Variants in CDH18 observed in about 807,000 individuals in gnomAD.
CDH18 encodes cadherin 18, also known as cadherin-18.
A neutral mutation model predicts 67.9 loss-of-function variants in CDH18; 31 were observed. The ratio of observed to expected loss-of-function variants is 0.46; its 90% CI spans 0.34 to 0.62. CDH18 has a LOEUF of 0.62. CDH18 is among the 20% of genes least tolerant of loss of function. CDH18 has a pLI of 0.01. For missense variants in CDH18, 890 were observed against 975.5 expected (o/e 0.91, Z 1.17); for synonymous variants, 362 against 347.2 (o/e 1.04, Z -0.48).
chr5:20,462,665 A>G (rs1188506470), intron 1 of CDH18, among the ~76,000 whole-genome samples: 1 of 152,188 alleles, frequency 6.6e-6, no homozygotes. Flanking sequence ...GTTGTTATAA[A>G]TGCATACCAT....
intron 1 of CDH18, among the ~76,000 whole-genome samples, chr5:20,310,734 C>A (rs1736904800): frequency 6.6e-6 from 1 of 152,134 alleles, no homozygotes; most frequent in Non-Finnish European, 1.5e-5. Flanking sequence ...ACATGCTGTG[C>A]CACTTACTTC....
intron 5 of CDH18, among the ~76,000 whole-genome samples, chr5:19,633,580 C>T (rs549613023): frequency 8.0e-4 from 122 of 152,080 alleles, no homozygotes; most frequent in African/African-American, 2.8e-3. Flanking sequence ...GTCTCTCCTA[C>T]TTCATGTTTA....
intron 5 of CDH18, among the ~76,000 whole-genome samples, chr5:19,695,715 T>C (rs1437764437): frequency 2.0e-5 from 3 of 152,200 alleles, no homozygotes; most frequent in Non-Finnish European, 4.4e-5. Flanking sequence ...ACTTCAACTC[T>C]AAAGATCCAA....
chr5:19,619,232 C>A, intron 5 of CDH18, among the ~76,000 whole-genome samples: 1 of 152,150 alleles, frequency 6.6e-6, no homozygotes, highest in East Asian at 1.9e-4. Flanking sequence ...TGTGTTTCTA[C>A]TCTGTATAAA....
At chr5:20,419,537 A>G (rs1037279123) in intron 1 of CDH18, among the ~76,000 whole-genome samples, 3 of 132,132 alleles carry the variant, frequency 2.3e-5, no homozygotes, top group African/African-American at 9.1e-5. Context: ...GTGCAGTGGC[A>G]AGATCTCGGC....
intron 2 of CDH18, among the ~76,000 whole-genome samples, chr5:20,153,239 T>C (rs1200003681): frequency 3.3e-5 from 5 of 152,060 alleles, no homozygotes; most frequent in Non-Finnish European, 7.3e-5. Flanking sequence ...GCCAGCCTGA[T>C]GATTCTTGTG....
At chr5:19,476,199 A>G (rs957632774) in intron 12 of CDH18, among the ~76,000 whole-genome samples, 1 of 152,050 alleles carries the variant, frequency 6.6e-6, no homozygotes, top group Admixed American at 6.6e-5. Flanking sequence ...ACCATCCAGA[A>G]ACGTGTGAAA....
At chr5:20,073,068 T>TA (rs546465150) in intron 2 of CDH18, among the ~76,000 whole-genome samples, 12 of 151,814 alleles carry the variant, frequency 7.9e-5, no homozygotes, top group East Asian at 1.9e-4. Flanking sequence ...AACATGTACA[T>TA]AAAAAAAACT....
intron 1 of CDH18, among the ~76,000 whole-genome samples, chr5:20,479,618 C>G (rs965159725): frequency 6.6e-6 from 1 of 151,918 alleles, no homozygotes; most frequent in Non-Finnish European, 1.5e-5. Flanking sequence ...ACTACAAGAT[C>G]TAGAAAATAG....
At chr5:19,868,707 G>T (rs1347500940) in intron 2 of CDH18, among the ~76,000 whole-genome samples, 4 of 152,114 alleles carry the variant, frequency 2.6e-5, no homozygotes, top group African/African-American at 9.7e-5. Context: ...TCTATAAAAT[G>T]AAACGTATGT....
intron 5 of CDH18, among the ~76,000 whole-genome samples, chr5:19,642,841 A>G (rs1398120940): frequency 6.6e-6 from 1 of 152,114 alleles, no homozygotes; most frequent in Non-Finnish European, 1.5e-5. Flanking sequence ...CATCAAATTA[A>G]CAATTTGCTG....
At chr5:20,138,362 T>A (rs1261067824) in intron 2 of CDH18, among the ~76,000 whole-genome samples, 1 of 152,168 alleles carries the variant, frequency 6.6e-6, no homozygotes, top group Non-Finnish European at 1.5e-5. Flanking sequence ...AATATCATAC[T>A]GAATGGGCAA....
At chr5:20,227,300 G>T (rs928574966) in intron 2 of CDH18, among the ~76,000 whole-genome samples, 1 of 151,992 alleles carries the variant, frequency 6.6e-6, no homozygotes, top group Non-Finnish European at 1.5e-5. Context: ...CCACATTTTT[G>T]CTGGGATATT....
At chr5:20,242,631 T>TAC (rs1561906046) in intron 2 of CDH18, among the ~76,000 whole-genome samples, 22 of 91,276 alleles carry the variant, frequency 2.4e-4, no homozygotes, top group African/African-American at 8.3e-4. Context: ...TATATATATA[T>TAC]ATGTATATAT....
At chr5:20,551,674 T>C (rs535221821) in intron 1 of CDH18, among the ~76,000 whole-genome samples, 28 of 152,306 alleles carry the variant, frequency 1.8e-4, no homozygotes, top group African/African-American at 6.0e-4. Flanking sequence ...TAGTTATTAT[T>C]TCTTTCTCAG....
chr5:19,737,123 C>T (rs1330165939), intron 4 of CDH18, among the ~76,000 whole-genome samples: 3 of 151,776 alleles, frequency 2.0e-5, no homozygotes, highest in East Asian at 3.9e-4. Flanking sequence ...GCGTGATGTG[C>T]CCTCACCTTC....
intron 1 of CDH18, among the ~76,000 whole-genome samples, chr5:20,467,054 T>C (rs1314030360): frequency 1.3e-5 from 2 of 151,952 alleles, no homozygotes; most frequent in Non-Finnish European, 2.9e-5. Flanking sequence ...ACATAAGAAC[T>C]GGTAGATCAA....
chr5:20,035,944 T>C (rs1422888258), intron 2 of CDH18, among the ~76,000 whole-genome samples: 1 of 152,066 alleles, frequency 6.6e-6, no homozygotes, highest in Non-Finnish European at 1.5e-5. Flanking sequence ...TTTTCTCCAT[T>C]TTGTTTTTGT....
intron 8 of CDH18, among the ~76,000 whole-genome samples, chr5:19,567,599 T>G (rs1740652936): frequency 6.6e-6 from 1 of 152,190 alleles, no homozygotes; most frequent in Non-Finnish European, 1.5e-5. Context: ...TTTTATTCAC[T>G]ATTTGCACCC....
Sources: gnomAD v4.1 joint callset for allele counts (sites outside exome capture counted in the v4.1 genomes callset) on GRCh38, gnomAD v4.1.1 for gene constraint, MANE v1.5 for transcripts, NCBI Gene and HGNC (gene_info 2026-07-23, HGNC 2026-07-21) for gene names.